The following NEB variants were observed in gnomAD, a reference collection of about 807,000 sequenced individuals.
The protein encoded by NEB is nemaline myopathy type 2.
Under a neutral mutation model 952.2 loss-of-function variants are expected in NEB, and 512 were observed. The ratio of observed to expected loss-of-function variants is 0.54; its 90% CI spans 0.50 to 0.58. The LOEUF (loss-of-function observed/expected upper bound fraction) is 0.58, where lower values mean the gene tolerates loss of function less well. NEB is among the 20% of genes least tolerant of loss of function. The probability of loss-of-function intolerance (pLI) is 0.00; values close to 1 mark genes in which losing one functional copy is unlikely to be tolerated. For synonymous variants in NEB, 2,900 were observed against 3,149.8 expected (o/e 0.92, Z 2.66); for missense variants, 8,428 against 9,231.1 (o/e 0.91, Z 3.56).
intron 107 of NEB, among the ~76,000 whole-genome samples, chr2:151,571,004 ACT>A (rs2096610346): frequency 6.6e-6 from 1 of 151,680 alleles, no homozygotes. Flanking sequence ...TTCCAATTAT[ACT>A]CTTTTTCTTT....
chr2:151,669,223 T>C (rs769265460), intron 38 of NEB, 92 bp from the exon 39 acceptor site: 7 of 918,798 alleles, frequency 7.6e-6, no homozygotes, highest in Non-Finnish European at 1.2e-5. Context: ...AAGGCTATCA[T>C]TTGTGTTTTC....
chr2:151,506,697 A>G (rs2069257150), intron 163 of NEB, among the ~76,000 whole-genome samples: 1 of 152,246 alleles, frequency 6.6e-6, no homozygotes, highest in Non-Finnish European at 1.5e-5. Context: ...ATTTAAAAAT[A>G]AAAGTTACGT....
intron 105 of NEB, among the ~76,000 whole-genome samples, chr2:151,578,942 T>C (rs2097013560): frequency 6.7e-6 from 1 of 148,668 alleles, no homozygotes; most frequent in Admixed American, 6.7e-5. Context: ...ATCAGCTGGG[T>C]GTGGTGCACA....
At chr2:151,694,676 G>A in intron 18 of NEB, 47 bp from the exon 19 acceptor site, 1 of 1,448,524 alleles carries the variant, frequency 6.9e-7, no homozygotes, top group Non-Finnish European at 9.5e-7. Context: ...TGATATGCAT[G>A]TCACGACCTT....
rs2153955401 is a variant in NEB at position 151,607,006 on chromosome 2, A to C, written c.12640-293T>G. Among the ~76,000 whole-genome samples, 2 of 91,932 alleles carry C rather than the reference A, an allele frequency of 2.2e-5. 1 individual carries two copies. The highest frequency in any genetic ancestry group is 7.0e-4 in the South Asian group (2 of 2,858). 60.3% of individuals were successfully genotyped at this position (91,932 alleles called of 152,430 possible). ...TACAAGTACATGGAACCTAAGGATC[A>C]ATGGGGAAGCCAGAGAATCTTTATC... On this transcript the variant is annotated intron_variant, in intron 83 of 181. Transcript: ENST00000397345.
At chr2:151,654,861 T>G (rs1004838104) in intron 51 of NEB, among the ~76,000 whole-genome samples, 1 of 152,144 alleles carries the variant, frequency 6.6e-6, no homozygotes, top group African/African-American at 2.4e-5. Flanking sequence ...ATTTATGTAT[T>G]TATTTATTAG....
intron 10 of NEB, 40 bp downstream of exon 10, chr2:151,717,376 A>C (rs1397834750): frequency 4.2e-5 from 53 of 1,266,370 alleles, no homozygotes; most frequent in Non-Finnish European, 5.1e-5. Context: ...TATTAAGCAG[A>C]GTCTTCAAGG....
Position 151,695,548 on chromosome 2 carries a change from A to T in NEB, c.1674+30T>A, listed in dbSNP as rs6433569. The T allele has an allele frequency of 2.0e-6, 3 of 1,527,512 alleles. No homozygotes were observed. In the Admixed American group the frequency reaches 5.1e-5, roughly 26 times the overall value. 94.6% of individuals were successfully genotyped at this position (1,527,512 alleles called of 1,614,324 possible). A position where few individuals can be genotyped will look rare whatever the true frequency, so the allele number is the denominator to read the frequency against. On this transcript the variant is annotated intron_variant, in intron 18 of 181. Coordinates refer to ENST00000397345, the MANE Select transcript of NEB (RefSeq NM_001164508.2). ...ACATAAAAGCACAGGTTGTCAGTAC[A>T]TCACATGGTACAGGGCATAAGGAAC...
At chr2:151,565,176 T>C in intron 116 of NEB, 28 bp from the exon 117 acceptor site, 1 of 1,137,398 alleles carries the variant, frequency 8.8e-7, no homozygotes. Flanking sequence ...AATCTTTTAT[T>C]ACTATAAATG....
At chr2:151,672,309 G>A (rs2099311036) in intron 37 of NEB, 60 bp downstream of exon 37, 2 of 1,431,432 alleles carry the variant, frequency 1.4e-6, no homozygotes, top group Admixed American at 4.4e-5. Context: ...TCTAATAAAA[G>A]CGAGAAGTGA....
Position 151,697,395 on chromosome 2 carries a change from A to T in NEB, c.1320T>A (p.Asp440Glu). ...ILGHYVGSFE[D>E]PYHSHCMKVT... ...CTTTCATGCAGTGTGAATGGTATGG[A>T]TCCTCGAAGCTGCCTACATAATGTC... Residue 440 changes from aspartate to glutamate, a missense_variant, in exon 15 of 182, where the codon GAT (aspartate) becomes GAA (glutamate). Asp to Glu is a conservative substitution (Grantham distance 45). Coordinates refer to ENST00000397345, the MANE Select transcript of NEB (RefSeq NM_001164508.2). The T allele has an allele frequency of 6.2e-7, 1 of 1,613,996 alleles. No homozygotes were observed. Among genetic ancestry groups the T allele is most frequent in the Non-Finnish European group, 8.5e-7 (1 of 1,179,876 alleles).
At chr2:151,706,628 C>T (rs1577135327) in intron 13 of NEB, among the ~76,000 whole-genome samples, 1 of 152,242 alleles carries the variant, frequency 6.6e-6, no homozygotes, top group East Asian at 1.9e-4. Context: ...ATATGGAGGC[C>T]CAGGTGCCCA....
intron 124 of NEB, among the ~76,000 whole-genome samples, chr2:151,559,783 C>T (rs2095902468): frequency 6.6e-6 from 1 of 152,030 alleles, no homozygotes; most frequent in Admixed American, 6.6e-5. Flanking sequence ...CACACTGGGT[C>T]CTCTCAGGGA....
chr2:151,728,328 C>A (rs2099797033), intron 4 of NEB, among the ~76,000 whole-genome samples: 1 of 152,106 alleles, frequency 6.6e-6, no homozygotes, highest in Non-Finnish European at 1.5e-5. Context: ...AGCTCAAATT[C>A]TTGACTTTAA....
In NEB at chr2:151,702,214, C is replaced by G. The variant is rs879316684; in HGVS notation, c.1153-4566G>C. 2.5e-3 allele frequency among the ~76,000 whole-genome samples: 372 copies of G among 151,342 alleles called. 6 individuals carry two copies. The highest frequency in any genetic ancestry group is 2.1e-3 in the Non-Finnish European group (140 of 67,818). Reference sequence around the variant, plus strand: ...TTAATCCTGAGTTCTAGTTTGATTGCACTGTGGTCTGAAAGATAGTTTGTT... The same window carrying G: ...TTAATCCTGAGTTCTAGTTTGATTGGACTGTGGTCTGAAAGATAGTTTGTT... On this transcript the variant is annotated intron_variant, in intron 13 of 181. Coordinates refer to ENST00000397345, the MANE Select transcript of NEB (RefSeq NM_001164508.2).
At chr2:151,619,185 T>A (rs906277067) in intron 73 of NEB, among the ~76,000 whole-genome samples, 2 of 152,228 alleles carry the variant, frequency 1.3e-5, no homozygotes, top group African/African-American at 4.8e-5. Flanking sequence ...CTAAGTTTCA[T>A]CTGATTCAAA....
intron 138 of NEB, among the ~76,000 whole-genome samples, chr2:151,539,141 G>A (rs983014654): frequency 3.9e-5 from 6 of 152,204 alleles, no homozygotes; most frequent in African/African-American, 1.4e-4. Flanking sequence ...GTGCTGTCCA[G>A]TGGGGCATGA....
chr2:151,491,860 C>T, intron 178 of NEB, 85 bp from the exon 179 acceptor site: 2 of 1,155,986 alleles, frequency 1.7e-6, no homozygotes, highest in Admixed American at 2.1e-5. Flanking sequence ...TAACAACCAC[C>T]AAAGGATTGA....
chr2:151,654,143 A>C, intron 51 of NEB, 44 bp from the exon 52 acceptor site: 1 of 1,279,210 alleles, frequency 7.8e-7, no homozygotes, highest in Non-Finnish European at 1.1e-6. Context: ...GTCTATATAA[A>C]GAATATCAAT....
Sources: gnomAD v4.1 joint callset for allele counts (sites outside exome capture counted in the v4.1 genomes callset) on GRCh38, gnomAD v4.1.1 for gene constraint, MANE v1.5 for transcripts, NCBI Gene and HGNC (gene_info 2026-07-23, HGNC 2026-07-21) for gene names.